Variants in DCC observed in about 807,000 individuals in gnomAD.
DCC encodes the protein netrin receptor DCC.
Under a neutral mutation model 172.5 loss-of-function variants are expected in DCC, and 58 were observed. That is an observed-to-expected ratio of 0.34 (90% CI 0.27 to 0.42). The LOEUF is 0.42. DCC is among the 10% of genes least tolerant of loss of function. The pLI is 1.00. For synonymous variants in DCC, 709 were observed against 644.5 expected (o/e 1.10, Z -1.52); for missense variants, 1,740 against 1,791.0 (o/e 0.97, Z 0.51).
chr18:53,288,174 A>G (rs751853999), intron 12 of DCC, among the ~76,000 whole-genome samples: 198 of 152,310 alleles, frequency 1.3e-3, no homozygotes, highest in Non-Finnish European at 2.3e-3. Context: ...AAGTAATTCA[A>G]GGTCTCTTTT....
rs1041296252 is a variant in DCC, at chr18:52,435,813, C to G, written c.91+94935C>G. On this transcript the variant is annotated intron_variant, in intron 1 of 28. Transcript: ENST00000442544. ...TATAGACTCTCAGTTGATCACTGTT[C>G]TTCTGCTTCTTCCCTGCATCAGTTT... is the stretch of plus-strand genomic sequence containing the variant. 3.8e-4 allele frequency among the ~76,000 whole-genome samples: 58 copies of G among 152,174 alleles called. 1 individual carries two copies.
rs576720273 is a variant in DCC at position 53,533,992 on chromosome 18, A to C, written c.*3339A>C. On this transcript the variant is annotated 3_prime_UTR_variant, in exon 29 of 29. Coordinates refer to ENST00000442544, the MANE Select transcript of DCC (RefSeq NM_005215.4). ...GCACTTATTGGCTTTTCCAATAAAGAATCTCTTAAGTACAGGTATTTCTGG... is the reference window on the plus strand; with the variant it reads ...GCACTTATTGGCTTTTCCAATAAAGCATCTCTTAAGTACAGGTATTTCTGG... The C allele has an allele frequency of 6.6e-6, 1 of 152,322 alleles. No homozygotes were observed. Among genetic ancestry groups the C allele is most frequent in the East Asian group, 1.9e-4 (1 of 5,180 alleles). The allele number at this position is 152,322 out of a possible 1,614,324, so 9.4% of individuals were successfully genotyped here.
At chr18:53,351,392 A>ATG (rs1258129256) in intron 15 of DCC, among the ~76,000 whole-genome samples, 2 of 24,202 alleles carry the variant, frequency 8.3e-5, no homozygotes, top group African/African-American at 2.9e-4. Context: ...CAGTATATAT[A>ATG]TATACAGTGT....
chr18:53,014,897 G>A (rs888241310), intron 5 of DCC, among the ~76,000 whole-genome samples: 8 of 152,108 alleles, frequency 5.3e-5, no homozygotes, highest in Non-Finnish European at 8.8e-5. Flanking sequence ...TAGAGGAATT[G>A]ACATCTCCAT....
intron 1 of DCC, among the ~76,000 whole-genome samples, chr18:52,571,379 T>C (rs540309911): frequency 3.3e-5 from 5 of 152,020 alleles, no homozygotes; most frequent in African/African-American, 1.2e-4. Context: ...GGTCAGTGTT[T>C]CTATTGTTAA....
intron 1 of DCC, among the ~76,000 whole-genome samples, chr18:52,474,461 T>A (rs768380955): frequency 6.6e-6 from 1 of 152,192 alleles, no homozygotes; most frequent in Non-Finnish European, 1.5e-5. Context: ...ATTTCAAGCC[T>A]GTCAGAGGCA....
intron 7 of DCC, among the ~76,000 whole-genome samples, chr18:53,131,953 A>ATTTTTTTTTTTTTTT (rs71175556): frequency 1.7e-5 from 1 of 58,260 alleles, no homozygotes; most frequent in African/African-American, 6.1e-5. Context: ...TCTCTAAGTG[A>ATTTTTTTTTTTTTTT]TTTTTTTTTT....
intron 1 of DCC, among the ~76,000 whole-genome samples, chr18:52,615,272 G>A (rs1468752939): frequency 6.6e-6 from 1 of 152,168 alleles, no homozygotes; most frequent in African/African-American, 2.4e-5. Context: ...ACAGATTTAT[G>A]TAACTCTTTC....
At chr18:53,267,149 T>TATAG (rs1285422820) in intron 12 of DCC, among the ~76,000 whole-genome samples, 166 of 144,782 alleles carry the variant, frequency 1.1e-3, no homozygotes, top group Non-Finnish European at 1.4e-3. Flanking sequence ...TATATATATA[T>TATAG]AGAGAGAGAG....
chr18:52,884,044 A>G (rs535832965), intron 2 of DCC, among the ~76,000 whole-genome samples: 1 of 151,896 alleles, frequency 6.6e-6, no homozygotes, highest in East Asian at 1.9e-4. Context: ...CTGGCCTGTA[A>G]GGTTCCCACC....
intron 2 of DCC, among the ~76,000 whole-genome samples, chr18:52,769,910 T>C (rs920145355): frequency 6.6e-6 from 1 of 152,220 alleles, no homozygotes; most frequent in Non-Finnish European, 1.5e-5. Context: ...TCAAAACATT[T>C]TTAGTGTGTT....
intron 9 of DCC, among the ~76,000 whole-genome samples, chr18:53,185,125 TA>T (rs1013073266): frequency 2.0e-5 from 3 of 152,160 alleles, no homozygotes; most frequent in East Asian, 3.8e-4. Flanking sequence ...TCTCTGGATG[TA>T]AAAAAATGTT....
intron 1 of DCC, among the ~76,000 whole-genome samples, chr18:52,485,210 TAAA>T (rs1454245723): frequency 6.6e-6 from 1 of 152,042 alleles, no homozygotes; most frequent in African/African-American, 2.4e-5. Flanking sequence ...CTTAAATTAA[TAAA>T]GAAATATGGA....
At chr18:52,961,468 T>C (rs950048568) in intron 5 of DCC, among the ~76,000 whole-genome samples, 1 of 152,070 alleles carries the variant, frequency 6.6e-6, no homozygotes, top group Non-Finnish European at 1.5e-5. Context: ...ATAATGGATA[T>C]TGGGGTCCTT....
At chr18:52,990,569 A>G (rs1308338697) in intron 5 of DCC, among the ~76,000 whole-genome samples, 1 of 144,968 alleles carries the variant, frequency 6.9e-6, no homozygotes, top group Non-Finnish European at 1.5e-5. Flanking sequence ...AAAAAAAAGC[A>G]AAGCTCCTTT....
At chr18:52,888,130 G>A (rs187400994) in intron 2 of DCC, among the ~76,000 whole-genome samples, 1 of 152,124 alleles carries the variant, frequency 6.6e-6, no homozygotes, top group Non-Finnish European at 1.5e-5. Flanking sequence ...AAATGTATTA[G>A]CACTGAGCAT....
intron 12 of DCC, among the ~76,000 whole-genome samples, chr18:53,293,298 A>G (rs2057026647): frequency 6.6e-6 from 1 of 152,168 alleles, no homozygotes; most frequent in South Asian, 2.1e-4. Context: ...TCTTAGCCAA[A>G]AAGTCAAGAA....
chr18:53,177,185 G>C (rs1427107399), intron 8 of DCC, among the ~76,000 whole-genome samples: 1 of 151,458 alleles, frequency 6.6e-6, no homozygotes, highest in Admixed American at 6.6e-5. Context: ...GTTGTGGGGT[G>C]GGGGGAGCGG....
intron 2 of DCC, among the ~76,000 whole-genome samples, chr18:52,789,787 G>T (rs554409017): frequency 6.6e-6 from 1 of 152,206 alleles, no homozygotes; most frequent in South Asian, 2.1e-4. Context: ...GCCCATCCCT[G>T]AGTGTAGGCT....
Sources: allele counts gnomAD v4.1 joint callset (sites outside exome capture counted in the v4.1 genomes callset), GRCh38; gene constraint gnomAD v4.1.1; transcripts MANE v1.5; gene names NCBI Gene and HGNC (gene_info 2026-07-23, HGNC 2026-07-21).